The following COL14A1 variants were observed in gnomAD, a reference collection of about 807,000 sequenced individuals.
The protein encoded by COL14A1 is collagen type XIV alpha 1 chain, also known as collagen alpha-1(XIV) chain.
A neutral mutation model predicts 230.3 loss-of-function variants in COL14A1; 136 were observed. That is an observed-to-expected ratio of 0.59 (90% CI 0.51 to 0.68). The LOEUF (loss-of-function observed/expected upper bound fraction) is 0.68, where lower values mean the gene tolerates loss of function less well. COL14A1 is among the 30% of genes least tolerant of loss of function. The pLI, the probability that COL14A1 is intolerant of heterozygous loss-of-function variation, is 0.00. For missense variants in COL14A1, 1,976 were observed against 2,215.8 expected, an observed-to-expected ratio of 0.89 and a Z score of 2.17; for synonymous variants, 792 against 784.1, an observed-to-expected ratio of 1.01 and a Z score of -0.17.
chr8:120,219,984 A>ATG (rs142020105), intron 14 of COL14A1, among the ~76,000 whole-genome samples: 3,736 of 150,580 alleles, frequency 0.025, 71 homozygotes, highest in Non-Finnish European at 0.038. Flanking sequence ...TAGGGTGTGT[A>ATG]TGTGTGTGTG....
At chr8:120,357,575 G>A (rs193056821) in intron 45 of COL14A1, among the ~76,000 whole-genome samples, 8 of 152,138 alleles carry the variant, frequency 5.3e-5, no homozygotes, top group East Asian at 3.9e-4. Flanking sequence ...TTGGAGGGAG[G>A]CATTTTAAAG....
At chr8:120,245,671 C>T (rs1171597921) in intron 20 of COL14A1, among the ~76,000 whole-genome samples, 7 of 152,052 alleles carry the variant, frequency 4.6e-5, no homozygotes, top group Non-Finnish European at 8.8e-5. Flanking sequence ...GTGGTATTCA[C>T]TTGAGGGCTG....
At chr8:120,345,257 T>A in intron 44 of COL14A1, 118 bp from the exon 45 acceptor site, 2 of 893,766 alleles carry the variant, frequency 2.2e-6, no homozygotes, top group South Asian at 3.7e-5. Context: ...AGGGGTGTGA[T>A]TTTTCCCTTG....
Position 120,196,888 on chromosome 8 carries a change from G to A in COL14A1, c.534G>A (p.Arg178=), listed in dbSNP as rs759127092. The A allele has an allele frequency of 1.2e-6, 2 of 1,613,930 alleles. No individual in the cohort carries two copies. The highest frequency in any genetic ancestry group is 1.7e-6 in the Non-Finnish European group (2 of 1,179,976). Residue 178 remains arginine (R), a synonymous_variant, in exon 6 of 48, where the codon CGG becomes CGA. Transcript: ENST00000297848. ...GAAGATTCAACTTCAGACTGGTTCG[G>A]CATTTCTTGGAAAACCTGGTTACAG... is the stretch of plus-strand genomic sequence containing the variant. ...SIGRFNFRLV[R]HFLENLVTAF...
At chr8:120,168,076 C>A in intron 4 of COL14A1, 85 bp from the exon 5 acceptor site, 1 of 879,558 alleles carries the variant, frequency 1.1e-6, no homozygotes, top group Non-Finnish European at 1.8e-6. Flanking sequence ...ACTTTTAGGG[C>A]TTTCAAGGGT....
At chr8:120,165,964 A>C (rs1475314324) in intron 4 of COL14A1, among the ~76,000 whole-genome samples, 4 of 152,116 alleles carry the variant, frequency 2.6e-5, no homozygotes, top group African/African-American at 9.7e-5. Context: ...ATTTGAAGTA[A>C]GCAGGCATGA....
intron 2 of COL14A1, 33 bp downstream of exon 2, chr8:120,147,963 G>C: frequency 7.1e-7 from 1 of 1,403,392 alleles, no homozygotes; most frequent in Non-Finnish European, 1.0e-6. Flanking sequence ...AGTAGGGTCT[G>C]GGACTCTAGC....
chr8:120,249,176 C>T (rs1385702057), intron 21 of COL14A1, among the ~76,000 whole-genome samples: 12 of 151,410 alleles, frequency 7.9e-5, no homozygotes. Context: ...CCTCGGCCTC[C>T]CAAAGTGCTG....
At chr8:120,167,042 C>T (rs964302863) in intron 4 of COL14A1, among the ~76,000 whole-genome samples, 12 of 151,778 alleles carry the variant, frequency 7.9e-5, no homozygotes, top group African/African-American at 2.9e-4. Flanking sequence ...AGGTATCTTA[C>T]ATTTTTATTT....
At chr8:120,296,224 A>G (rs1024280675) in intron 34 of COL14A1, among the ~76,000 whole-genome samples, 1 of 151,934 alleles carries the variant, frequency 6.6e-6, no homozygotes, top group Admixed American at 6.6e-5. Flanking sequence ...ACAGCTCAAT[A>G]AGGTGTATAT....
intron 40 of COL14A1, among the ~76,000 whole-genome samples, chr8:120,322,763 G>A (rs1393059881): frequency 6.6e-6 from 1 of 151,900 alleles, no homozygotes; most frequent in Non-Finnish European, 1.5e-5. Context: ...ATTCTATGGT[G>A]TATATGTACT....
chr8:120,266,756 A>G (rs1008358372), intron 24 of COL14A1, 71 bp from the exon 25 acceptor site: 37 of 1,208,894 alleles, frequency 3.1e-5, no homozygotes, highest in African/African-American at 7.6e-5. Flanking sequence ...AATATTTATT[A>G]CTCCATGACC....
At position 120,280,096 on chromosome 8, in the gene COL14A1, G is replaced by C; in HGVS notation, c.3643G>C (p.Ala1215Pro). 6.2e-7 allele frequency: 1 copy of C among 1,613,576 alleles called. No homozygotes were observed. The highest frequency in any genetic ancestry group is 2.2e-5 in the East Asian group (1 of 44,870). The change falls in exon 29 of 48, where the codon GCA becomes CCA. Residue 1215 changes from alanine (A) to proline (P), a missense_variant. Physicochemically the swap from Ala to Pro is conservative, Grantham distance 27. Around this residue, in one of 3 missense-constraint regions of COL14A1, gnomAD observed 1,791 missense variants for 2,019.5 expected, o/e 0.89. Coordinates refer to ENST00000297848, the MANE Select transcript of COL14A1 (RefSeq NM_021110.4). ...LITFVCETAS[A>P]TCPVVHKDGI... The stretch of plus-strand genomic sequence containing the variant: ...TACTTTTGTCTGCGAAACAGCATCA[G>C]CAAGTTAGTTCTTTGGAATTTGTAC...
At chr8:120,254,243 C>G (rs556900025) in intron 22 of COL14A1, among the ~76,000 whole-genome samples, 70 of 152,292 alleles carry the variant, frequency 4.6e-4, no homozygotes, top group African/African-American at 1.6e-3. Context: ...ATGATAAACA[C>G]TGGCTACCTA....
At chr8:120,314,631 T>C (rs1356028583) in intron 38 of COL14A1, among the ~76,000 whole-genome samples, 1 of 152,252 alleles carries the variant, frequency 6.6e-6, no homozygotes, top group Non-Finnish European at 1.5e-5. Context: ...CTTTAATTCA[T>C]ATTTGAAGCA....
intron 19 of COL14A1, among the ~76,000 whole-genome samples, chr8:120,243,223 C>T (rs149103888): frequency 6.6e-6 from 1 of 152,280 alleles, no homozygotes. Context: ...ATGTCGAACC[C>T]ACTGCTGCAT....
intron 19 of COL14A1, among the ~76,000 whole-genome samples, chr8:120,241,935 T>C (rs528040639): frequency 6.6e-6 from 1 of 152,282 alleles, no homozygotes; most frequent in East Asian, 1.9e-4. Flanking sequence ...AAATTCAAAA[T>C]CTGAAATGCT....
chr8:120,194,052 C>T (rs1432238304), intron 5 of COL14A1, among the ~76,000 whole-genome samples: 3 of 152,188 alleles, frequency 2.0e-5, no homozygotes, highest in Non-Finnish European at 1.5e-5. Flanking sequence ...GTGCGCTGCA[C>T]CCACTGTCCT....
intron 35 of COL14A1, among the ~76,000 whole-genome samples, chr8:120,298,666 T>A (rs780082891): frequency 7.4e-6 from 1 of 134,950 alleles, no homozygotes; most frequent in Non-Finnish European, 1.6e-5. Flanking sequence ...TATCTTAGGA[T>A]CCTAGGACAA....
Sources: allele counts gnomAD v4.1 joint callset (sites outside exome capture counted in the v4.1 genomes callset), GRCh38; gene constraint gnomAD v4.1.1; regional missense constraint gnomAD v4.1.1; transcripts MANE v1.5; gene names NCBI Gene and HGNC (gene_info 2026-07-23, HGNC 2026-07-21).